ALDH1A2: variants seen among roughly 807,000 people sequenced by gnomAD.
The protein encoded by ALDH1A2 is retinal dehydrogenase 2.
ALDH1A2 carries 27 observed loss-of-function variants against 60.3 expected under a neutral mutation model. That is an observed-to-expected ratio of 0.45 (90% CI 0.33 to 0.62). The LOEUF is 0.62. Among genes scored for constraint, ALDH1A2 ranks in the 20% least tolerant of loss-of-function variants. ALDH1A2 has a pLI of 0.02. For missense variants in ALDH1A2, 581 were observed against 643.8 expected (o/e 0.90, Z 1.06); for synonymous variants, 289 against 232.4 (o/e 1.24, Z -2.21).
chr15:57,985,014 T>C (rs1380718343), intron 7 of ALDH1A2, among the ~76,000 whole-genome samples: 1 of 152,222 alleles, frequency 6.6e-6, no homozygotes, highest in Non-Finnish European at 1.5e-5. Flanking sequence ...TTTCTGGATT[T>C]TGTTTGCTAC....
At chr15:58,012,791 A>T (rs1398824040) in intron 3 of ALDH1A2, among the ~76,000 whole-genome samples, 1 of 152,172 alleles carries the variant, frequency 6.6e-6, no homozygotes, top group African/African-American at 2.4e-5. Flanking sequence ...GGACACTGAG[A>T]AAGGGAAAAA....
chr15:58,029,225 C>T (rs901159499), intron 1 of ALDH1A2, among the ~76,000 whole-genome samples: 2 of 152,118 alleles, frequency 1.3e-5, no homozygotes, highest in Non-Finnish European at 2.9e-5. Flanking sequence ...CAAATTAGAA[C>T]TCAGGGTAAG....
chr15:58,034,310 T>C (rs984602633), intron 1 of ALDH1A2, among the ~76,000 whole-genome samples: 3 of 151,814 alleles, frequency 2.0e-5, no homozygotes, highest in African/African-American at 7.2e-5. Flanking sequence ...TTTTGTAGAT[T>C]AACATAGAAT....
intron 1 of ALDH1A2, among the ~76,000 whole-genome samples, chr15:58,033,388 G>A (rs1267847355): frequency 6.6e-6 from 1 of 151,662 alleles, no homozygotes; most frequent in African/African-American, 2.4e-5. Context: ...TGTTGTTATT[G>A]TTGCTCATTT....
chr15:57,971,791 C>T (rs1894074853), intron 7 of ALDH1A2, among the ~76,000 whole-genome samples: 1 of 151,996 alleles, frequency 6.6e-6, no homozygotes, highest in Non-Finnish European at 1.5e-5. Context: ...GTGGTGTGAT[C>T]ACGGCTCACT....
Position 57,995,061 on chromosome 15 carries a change from C to A in ALDH1A2, c.555+17G>T. On this transcript the variant is annotated intron_variant, in intron 5 of 12. Coordinates refer to ENST00000249750, the MANE Select transcript of ALDH1A2 (RefSeq NM_003888.4). Reference sequence around the variant, plus strand: ...GTCAAATGAAAATAAATACGAGGTGCGAGGAAATACACTCACTGGGATGAT... The same window carrying A: ...GTCAAATGAAAATAAATACGAGGTGAGAGGAAATACACTCACTGGGATGAT... 6.2e-7 allele frequency: 1 copy of A among 1,601,776 alleles called. No individual in the cohort carries two copies. Among genetic ancestry groups the A allele is most frequent in the Non-Finnish European group, 8.6e-7 (1 of 1,169,512 alleles).
chr15:58,049,727 G>C (rs530105769), intron 1 of ALDH1A2, among the ~76,000 whole-genome samples: 113 of 152,192 alleles, frequency 7.4e-4, no homozygotes, highest in African/African-American at 2.5e-3. Flanking sequence ...ATGCAGGCTG[G>C]TTCAAACATG....
intron 3 of ALDH1A2, among the ~76,000 whole-genome samples, chr15:58,012,350 T>C (rs911099917): frequency 6.6e-6 from 1 of 152,004 alleles, no homozygotes; most frequent in African/African-American, 2.4e-5. Context: ...AGAACCATGC[T>C]AGGATTACCA....
chr15:58,040,562 G>T (rs562639246), intron 1 of ALDH1A2, among the ~76,000 whole-genome samples: 3 of 151,994 alleles, frequency 2.0e-5, no homozygotes, highest in East Asian at 3.9e-4. Context: ...TAAAGTTTAT[G>T]ATGTAAATCC....
At chr15:58,062,200 T>C (rs1048919055) in intron 1 of ALDH1A2, among the ~76,000 whole-genome samples, 23 of 151,984 alleles carry the variant, frequency 1.5e-4, no homozygotes, top group Admixed American at 9.8e-4. Context: ...CAGCCCCATA[T>C]AATATCAGAT....
At chr15:58,044,811 A>T (rs1896599030) in intron 1 of ALDH1A2, among the ~76,000 whole-genome samples, 1 of 152,016 alleles carries the variant, frequency 6.6e-6, no homozygotes, top group South Asian at 2.1e-4. Flanking sequence ...TACTTCCCAG[A>T]GGAGGGCCGG....
At chr15:57,963,492 A>G (rs575866683) in intron 9 of ALDH1A2, among the ~76,000 whole-genome samples, 43 of 150,614 alleles carry the variant, frequency 2.9e-4, no homozygotes, top group Non-Finnish European at 5.5e-4. Context: ...GGTACCCGCC[A>G]CCTCGCCCGG....
intron 4 of ALDH1A2, among the ~76,000 whole-genome samples, chr15:58,009,932 C>G (rs900390542): frequency 1.3e-5 from 2 of 152,092 alleles, no homozygotes; most frequent in African/African-American, 4.8e-5. Flanking sequence ...TCTTCACTGA[C>G]TGCTTTAGTT....
intron 7 of ALDH1A2, among the ~76,000 whole-genome samples, chr15:57,986,503 C>A (rs1021785191): frequency 9.3e-6 from 1 of 107,596 alleles, no homozygotes; most frequent in Non-Finnish European, 1.8e-5. Flanking sequence ...AGAAAAACAA[C>A]AAAATCTCTA....
At chr15:58,002,962 C>T (rs575427608) in intron 4 of ALDH1A2, among the ~76,000 whole-genome samples, 91 of 151,972 alleles carry the variant, frequency 6.0e-4, no homozygotes, top group Non-Finnish European at 1.0e-3. Flanking sequence ...CCTATACAAA[C>T]GCTGAAACTG....
At chr15:57,968,108 C>G (rs1274858118) in intron 7 of ALDH1A2, among the ~76,000 whole-genome samples, 3 of 152,138 alleles carry the variant, frequency 2.0e-5, no homozygotes, top group Non-Finnish European at 4.4e-5. Context: ...CTTGCTCGCT[C>G]CACTCTGGGG....
In ALDH1A2 at chr15:58,062,561, A is replaced by C. The variant is rs537968722; in HGVS notation, c.117+2973T>G. Among the ~76,000 whole-genome samples the C allele has an allele frequency of 2.6e-5, 4 of 152,300 alleles. No homozygotes were observed. The East Asian group carries it at 7.7e-4, about 29-fold the overall frequency. ...CAACTCAGAAAATTTTAAATTCATA[A>C]ACACATCGCTCAAGGCAATCAGAAT... On this transcript the variant is annotated intron_variant, in intron 1 of 12. Transcript: ENST00000249750.
intron 1 of ALDH1A2, among the ~76,000 whole-genome samples, chr15:58,041,839 T>C (rs1477831774): frequency 1.3e-5 from 2 of 151,960 alleles, no homozygotes; most frequent in African/African-American, 2.4e-5. Context: ...TTTTCTCCTA[T>C]ACATACATAC....
chr15:57,992,677 C>T, intron 7 of ALDH1A2, 28 bp downstream of exon 7: 1 of 1,603,642 alleles, frequency 6.2e-7, no homozygotes, highest in Non-Finnish European at 8.5e-7. Flanking sequence ...AAGACTGTTC[C>T]TCAAGCCCTG....
Sources: gnomAD v4.1 joint callset for allele counts (sites outside exome capture counted in the v4.1 genomes callset) on GRCh38, gnomAD v4.1.1 for gene constraint, MANE v1.5 for transcripts, NCBI Gene and HGNC (gene_info 2026-07-23, HGNC 2026-07-21) for gene names.